The following ADAMTS2 variants were observed in gnomAD, a reference collection of about 807,000 sequenced individuals.
ADAMTS2 encodes the protein ADAM metallopeptidase with thrombospondin type 1 motif 2.
In ADAMTS2, 50 loss-of-function variants were observed where a neutral mutation model predicts 123.0. That is an observed-to-expected ratio of 0.41 (90% CI 0.32 to 0.51). The LOEUF is 0.51. Ranked by LOEUF, ADAMTS2 falls within the 20% of genes least tolerant of loss-of-function variation. The pLI, the probability that ADAMTS2 is intolerant of heterozygous loss-of-function variation, is 0.35. For missense variants in ADAMTS2, 1,494 were observed against 1,705.2 expected, an observed-to-expected ratio of 0.88 and a Z score of 2.18; for synonymous variants, 678 against 695.4, an observed-to-expected ratio of 0.98 and a Z score of 0.39.
At chr5:179,278,262 G>C (rs979987961) in intron 2 of ADAMTS2, among the ~76,000 whole-genome samples, 1 of 149,912 alleles carries the variant, frequency 6.7e-6, no homozygotes, top group African/African-American at 2.5e-5. Flanking sequence ...GGCACTTCAC[G>C]GAAGAAGTGG....
At chr5:179,222,648 C>T (rs948489639) in intron 3 of ADAMTS2, among the ~76,000 whole-genome samples, 5 of 152,204 alleles carry the variant, frequency 3.3e-5, no homozygotes, top group Non-Finnish European at 7.3e-5. Flanking sequence ...CTGGTGTGAC[C>T]CTTCCAGGTA....
chr5:179,166,961 G>T (rs1008522093), intron 5 of ADAMTS2, among the ~76,000 whole-genome samples: 1 of 152,206 alleles, frequency 6.6e-6, no homozygotes, highest in Admixed American at 6.5e-5. Flanking sequence ...ATGAACACGA[G>T]CACCCTCAGG....
intron 2 of ADAMTS2, among the ~76,000 whole-genome samples, chr5:179,342,705 T>G (rs929613490): frequency 3.3e-5 from 5 of 152,226 alleles, no homozygotes; most frequent in African/African-American, 1.2e-4. Context: ...TTCAGATGTC[T>G]GGCCAGCACA....
At chr5:179,288,557 C>A (rs530049313) in intron 2 of ADAMTS2, among the ~76,000 whole-genome samples, 2 of 152,306 alleles carry the variant, frequency 1.3e-5, no homozygotes, top group Non-Finnish European at 1.5e-5. Context: ...GGGGGCAGGG[C>A]CCCAGCACTG....
intron 3 of ADAMTS2, among the ~76,000 whole-genome samples, chr5:179,219,801 A>G (rs540750742): frequency 3.3e-5 from 5 of 151,812 alleles, no homozygotes; most frequent in Non-Finnish European, 7.4e-5. Context: ...TCCTGTCTAC[A>G]GCCCCCACAG....
chr5:179,152,168 C>T lies in ADAMTS2; in HGVS notation c.1603G>A (p.Asp535Asn), dbSNP rs1160411775. Residue 535 changes from aspartate to asparagine, a missense_variant, in exon 10 of 22, where the codon GAC becomes AAC. Asp to Asn is a conservative substitution (Grantham distance 23). Transcript: ENST00000251582. ...TTGCCAGGTGCACACATAGTCCCGT[C>T]CAAGGGGGGCCCCTTCTTGGTCTTG... Reference protein sequence around the residue: ...FCKTKKGPPLDGTMCAPGKHC... With the variant: ...FCKTKKGPPLNGTMCAPGKHC... The T allele has an allele frequency of 6.2e-7, 1 of 1,613,882 alleles. No homozygotes were observed. The highest frequency in any genetic ancestry group is 1.3e-5 in the African/African-American group (1 of 74,918).
intron 2 of ADAMTS2, among the ~76,000 whole-genome samples, chr5:179,341,729 A>AAAAAG (rs70997682): frequency 0.031 from 4,487 of 144,044 alleles, 129 homozygotes; most frequent in Non-Finnish European, 0.036. Flanking sequence ...AAAAAAAAAA[A>AAAAAG]AAAGAAAACA....
In ADAMTS2 at chr5:179,128,557, T is replaced by A. The variant is rs1212343423; in HGVS notation, c.2458-439A>T. On this transcript the variant is annotated intron_variant, in intron 16 of 21. Coordinates refer to ENST00000251582, the MANE Select transcript of ADAMTS2 (RefSeq NM_014244.5). This position sits in a 1 kb window ranked among gnomAD's most constrained non-coding sequence, Gnocchi z 4.9. ...ACAGGCGCCCGCCACCACGCCTGGC[T>A]AATTTTTGTATTTTTAGTAGAGACA... 2.0e-5 allele frequency among the ~76,000 whole-genome samples: 3 copies of A among 152,070 alleles called. No homozygotes were observed. The highest frequency in any genetic ancestry group is 2.9e-5 in the Non-Finnish European group (2 of 68,024).
intron 3 of ADAMTS2, among the ~76,000 whole-genome samples, chr5:179,241,366 C>T (rs1414914399): frequency 6.6e-6 from 1 of 152,230 alleles, no homozygotes; most frequent in Non-Finnish European, 1.5e-5. Context: ...GTGAGGCACA[C>T]ACTGCCAGAG....
chr5:179,180,665 A>G lies in ADAMTS2; in HGVS notation c.975+407T>C, dbSNP rs1764023871. 2.6e-5 allele frequency among the ~76,000 whole-genome samples: 4 copies of G among 152,008 alleles called. No homozygotes were observed. Among genetic ancestry groups the G allele is most frequent in the Admixed American group, 2.6e-4 (4 of 15,268 alleles). ...AACTCAGGACCGCTCCACTCCCCAGAGCCCACTGGAATTATTCAAACTGGC... is the reference window on the plus strand; with the variant it reads ...AACTCAGGACCGCTCCACTCCCCAGGGCCCACTGGAATTATTCAAACTGGC... On this transcript the variant is annotated intron_variant, in intron 5 of 21. Coordinates refer to ENST00000251582, the MANE Select transcript of ADAMTS2 (RefSeq NM_014244.5). This position sits in a 1 kb window ranked among gnomAD's most constrained non-coding sequence, Gnocchi z 4.6.
rs1001119145 is a variant in ADAMTS2, at chr5:179,130,707, G to T, written c.2291-609C>A. ...GGAAGCCCCATGCTCTCTGCAGTGT[G>T]GGGGGTGGCTGCTGCGGGGCAGCTG... On this transcript the variant is annotated intron_variant, in intron 15 of 21. Transcript: ENST00000251582. This position sits in a 1 kb window ranked among gnomAD's most constrained non-coding sequence, Gnocchi z 4.3. Among the ~76,000 whole-genome samples the T allele has an allele frequency of 1.3e-5, 2 of 150,720 alleles. No individual in the cohort carries two copies. Among genetic ancestry groups the T allele is most frequent in the Admixed American group, 6.6e-5 (1 of 15,096 alleles).
At chr5:179,148,493 C>T (rs907176285) in intron 10 of ADAMTS2, among the ~76,000 whole-genome samples, 6 of 152,160 alleles carry the variant, frequency 3.9e-5, no homozygotes, top group African/African-American at 7.2e-5. Flanking sequence ...TGGCGCTGGC[C>T]GAGCCCTCTG....
Position 179,153,576 on chromosome 5 carries a change from G to T in ADAMTS2, c.1430C>A (p.Ala477Glu), listed in dbSNP as rs370614125. 6.2e-7 allele frequency: 1 copy of T among 1,608,774 alleles called. No homozygotes were observed. The highest frequency in any genetic ancestry group is 8.5e-7 in the Non-Finnish European group (1 of 1,179,752). ...GTGCAGTCCCGGGAGCTGGGGCAGC[G>T]CCGGCCAGTCGTGGGCGAAGGGGTC... ...LDDPFAHDWP[A>E]LPQLPGLHYS... Residue 477 changes from alanine to glutamate, a missense_variant, in exon 9 of 22, where the codon GCG becomes GAG. By Grantham distance (107) the Ala-to-Glu change is moderately radical. This residue lies in a region of ADAMTS2 where 953 missense variants were observed against 1,124.7 expected (regional missense o/e 0.85). Transcript: ENST00000251582.
intron 2 of ADAMTS2, among the ~76,000 whole-genome samples, chr5:179,341,731 A>AG (rs1757781417): frequency 6.6e-6 from 1 of 150,996 alleles, no homozygotes; most frequent in Non-Finnish European, 1.5e-5. Flanking sequence ...AAAAAAAAAA[A>AG]AGAAAACAGA....
At chr5:179,173,270 A>G (rs1763863951) in intron 5 of ADAMTS2, among the ~76,000 whole-genome samples, 1 of 150,918 alleles carries the variant, frequency 6.6e-6, no homozygotes, top group Admixed American at 6.6e-5. Context: ...ATCATATTGA[A>G]TTTAAAAAAT....
At chr5:179,134,969 C>G in intron 13 of ADAMTS2, among the ~76,000 whole-genome samples, 1 of 137,470 alleles carries the variant, frequency 7.3e-6, no homozygotes, top group South Asian at 2.3e-4. Flanking sequence ...CCGGCTCCAG[C>G]CCCCAGCTCC....
intron 11 of ADAMTS2, among the ~76,000 whole-genome samples, chr5:179,139,496 C>G (rs1272716456): frequency 6.6e-6 from 1 of 152,082 alleles, no homozygotes; most frequent in African/African-American, 2.4e-5. Context: ...TGACAAATCC[C>G]GACCCTGCCC....
At chr5:179,320,264 C>T (rs1277437209) in intron 2 of ADAMTS2, among the ~76,000 whole-genome samples, 1 of 152,244 alleles carries the variant, frequency 6.6e-6, no homozygotes, top group African/African-American at 2.4e-5. Flanking sequence ...GCCCCAGCCA[C>T]TTCCTTGGGA....
At chr5:179,150,810 G>C (rs1286275168) in intron 10 of ADAMTS2, 1 of 153,302 alleles carries the variant, frequency 6.5e-6, no homozygotes, top group East Asian at 1.9e-4. Flanking sequence ...CTTCCTTTTT[G>C]CAGGGATGAA....
Sources: allele counts gnomAD v4.1 joint callset (sites outside exome capture counted in the v4.1 genomes callset), GRCh38; gene constraint gnomAD v4.1.1; regional missense constraint gnomAD v4.1.1; non-coding constraint Gnocchi (gnomAD v3.1); transcripts MANE v1.5; gene names NCBI Gene and HGNC (gene_info 2026-07-23, HGNC 2026-07-21).